Variants in ARHGAP20 observed in about 807,000 individuals in gnomAD.
ARHGAP20 encodes rho GTPase-activating protein 20.
ARHGAP20 carries 34 observed loss-of-function variants against 73.7 expected under a neutral mutation model. The ratio of observed to expected loss-of-function variants is 0.46; its 90% CI spans 0.35 to 0.61. The LOEUF (loss-of-function observed/expected upper bound fraction) is 0.61, where lower values mean the gene tolerates loss of function less well. Ranked by LOEUF, ARHGAP20 falls within the 20% of genes least tolerant of loss-of-function variation. ARHGAP20 has a pLI of 0.00. For missense variants in ARHGAP20, 1,314 were observed against 1,420.9 expected, an observed-to-expected ratio of 0.92 and a Z score of 1.21; for synonymous variants, 523 against 518.2, an observed-to-expected ratio of 1.01 and a Z score of -0.13.
At chr11:110,597,293 T>C (rs964069747) in intron 9 of ARHGAP20, among the ~76,000 whole-genome samples, 10 of 123,080 alleles carry the variant, frequency 8.1e-5, no homozygotes, top group Non-Finnish European at 1.2e-4. Context: ...AATAATAAAA[T>C]TAAAAAAAAA....
intron 2 of ARHGAP20, among the ~76,000 whole-genome samples, chr11:110,656,963 C>G (rs1045295445): frequency 6.6e-6 from 1 of 152,140 alleles, no homozygotes; most frequent in Non-Finnish European, 1.5e-5. Flanking sequence ...CCATGCTCTT[C>G]CAAAGGTAAA....
chr11:110,690,441 A>G (rs1950219043), intron 2 of ARHGAP20, 106 bp downstream of exon 2: 2 of 1,131,858 alleles, frequency 1.8e-6, no homozygotes, highest in African/African-American at 3.1e-5. Context: ...TGGTGCTGAT[A>G]ACAAACAACC....
At chr11:110,679,855 G>T (rs1950004254) in intron 2 of ARHGAP20, among the ~76,000 whole-genome samples, 1 of 152,142 alleles carries the variant, frequency 6.6e-6, no homozygotes, top group Non-Finnish European at 1.5e-5. Context: ...AGATGACATG[G>T]TGTACATGTA....
rs76450080 is a variant in ARHGAP20 at position 110,591,791 on chromosome 11, T to C, written c.1143+186A>G. ...CTCTTTCCTAGGTTATTTCTTCCCA[T>C]TATGTCTTCCTTCTGATTTCACAGT... is the stretch of plus-strand genomic sequence containing the variant. On this transcript the variant is annotated intron_variant, in intron 10 of 14. Coordinates refer to ENST00000683387, the MANE Select transcript of ARHGAP20 (RefSeq NM_001384657.1). 0.034 allele frequency among the ~76,000 whole-genome samples: 5,176 copies of C among 152,318 alleles called. 317 individuals are homozygous for C. The highest frequency in any genetic ancestry group is 0.12 in the African/African-American group (4,850 of 41,558).
rs35306856 is a variant in ARHGAP20, at chr11:110,577,471, GAAA to G, written c.*1896_*1898del. 4.7e-4 allele frequency: 417 copies of G among 896,318 alleles called. No individual in the cohort carries two copies. The highest frequency in any genetic ancestry group is 2.8e-3 in the East Asian group (27 of 9,496). The allele number at this position is 896,318 out of a possible 1,614,324, so 55.5% of individuals were successfully genotyped here. The stretch of plus-strand genomic sequence containing the variant: ...TGAATGATTTTTTACCTGCTAACAT[GAAA>G]AAAAAAAAAAAGGCAATTTCTTCCA... On this transcript the variant is annotated 3_prime_UTR_variant, in exon 15 of 15. Transcript: ENST00000683387.
rs200336756 is a variant in ARHGAP20, at chr11:110,644,448, T to C, written c.189-13656A>G. Among the ~76,000 whole-genome samples the C allele has an allele frequency of 5.3e-5, 8 of 152,122 alleles. No individual in the cohort carries two copies. In the East Asian group the frequency reaches 9.7e-4, roughly 18 times the overall value. On this transcript the variant is annotated intron_variant, in intron 2 of 14. Transcript: ENST00000683387. ...AACCAAAACAGCATGGTACTGGTAC[T>C]AAAACAGACACAGAGACCAATGGAA...
Position 110,577,999 on chromosome 11 carries a change from C to G in ARHGAP20, c.*1371G>C. 1 of 985,336 alleles carries G rather than the reference C, an allele frequency of 1.0e-6. No homozygotes were observed. The highest frequency in any genetic ancestry group is 1.2e-6 in the Non-Finnish European group (1 of 829,898). 61.0% of individuals were successfully genotyped at this position (985,336 alleles called of 1,614,324 possible). ...GAACTAAAGAGTTTAAATAAATGGG[C>G]TCAGAGCAACTTCTTATAGGTTAGT... is the stretch of plus-strand genomic sequence containing the variant. On this transcript the variant is annotated 3_prime_UTR_variant, in exon 15 of 15. Transcript: ENST00000683387.
At chr11:110,639,239 C>T (rs1949030541) in intron 2 of ARHGAP20, among the ~76,000 whole-genome samples, 1 of 67,180 alleles carries the variant, frequency 1.5e-5, no homozygotes, top group South Asian at 3.8e-4. Context: ...TTATTCGATA[C>T]CCCCCCCCCA....
intron 14 of ARHGAP20, among the ~76,000 whole-genome samples, chr11:110,581,956 G>A (rs1441364088): frequency 6.7e-6 from 1 of 148,866 alleles, no homozygotes; most frequent in Non-Finnish European, 1.5e-5. Flanking sequence ...AAACATTCAT[G>A]CCTCTACTAC....
At chr11:110,636,582 G>C (rs1412729221) in intron 2 of ARHGAP20, among the ~76,000 whole-genome samples, 1 of 152,008 alleles carries the variant, frequency 6.6e-6, no homozygotes, top group East Asian at 1.9e-4. Context: ...TTCTTTTTCT[G>C]TGTGCATCTA....
intron 4 of ARHGAP20, among the ~76,000 whole-genome samples, chr11:110,621,229 G>A (rs1565443171): frequency 6.6e-6 from 1 of 151,850 alleles, no homozygotes; most frequent in East Asian, 1.9e-4. Flanking sequence ...TTGATTTATG[G>A]TTGTTTATAA....
intron 1 of ARHGAP20, among the ~76,000 whole-genome samples, chr11:110,705,853 C>T (rs1460480630): frequency 1.3e-5 from 2 of 152,124 alleles, no homozygotes; most frequent in Non-Finnish European, 2.9e-5. Context: ...GAGAATACGC[C>T]AAGCTTTCCA....
At chr11:110,631,054 T>C (rs1445138403) in intron 2 of ARHGAP20, among the ~76,000 whole-genome samples, 2 of 152,188 alleles carry the variant, frequency 1.3e-5, no homozygotes, top group Non-Finnish European at 2.9e-5. Context: ...CTTTACCAAA[T>C]ACCTATCCAA....
rs542122563 is a variant in ARHGAP20 at position 110,624,332 on chromosome 11, C to G, written c.354-21G>C. 10 of 1,508,118 alleles carry G rather than the reference C, an allele frequency of 6.6e-6. No homozygotes were observed. The African/African-American group carries it at 1.3e-4, about 19-fold the overall frequency. 93.4% of individuals were successfully genotyped at this position (1,508,118 alleles called of 1,614,324 possible). A position where few individuals can be genotyped will look rare whatever the true frequency, so the allele number is the denominator to read the frequency against. Reference sequence around the variant, plus strand: ...TATATCTAGAAAGATAAAAACCAAACAGAACCTTTTGTTATTTTGTTTCTT... The same window carrying G: ...TATATCTAGAAAGATAAAAACCAAAGAGAACCTTTTGTTATTTTGTTTCTT... On this transcript the variant is annotated intron_variant, in intron 3 of 14. Transcript: ENST00000683387.
chr11:110,619,573 G>A (rs980099871), intron 4 of ARHGAP20, among the ~76,000 whole-genome samples: 1 of 151,512 alleles, frequency 6.6e-6, no homozygotes, highest in Non-Finnish European at 1.5e-5. Context: ...AGTATATGTA[G>A]TGATAGCGTA....
rs1947320244 is a variant in ARHGAP20 at position 110,577,551 on chromosome 11, T to TGACA, written c.*1815_*1818dup. 4.0e-6 allele frequency: 4 copies of TGACA among 991,402 alleles called. No individual in the cohort carries two copies. The highest frequency in any genetic ancestry group is 4.8e-6 in the Non-Finnish European group (4 of 833,908). 61.4% of individuals were successfully genotyped at this position (991,402 alleles called of 1,614,324 possible). On this transcript the variant is annotated 3_prime_UTR_variant, in exon 15 of 15. Transcript: ENST00000683387. ...TTCATTCACATCTTGCAGTTCTGAC[T>TGACA]GACAGTAGTATGCCCTAAGGGAAAG...
intron 1 of ARHGAP20, among the ~76,000 whole-genome samples, chr11:110,702,234 C>T (rs959153275): frequency 3.2e-4 from 48 of 152,094 alleles, no homozygotes; most frequent in African/African-American, 7.7e-4. Context: ...GTTCAATATA[C>T]GCAAATCAAT....
chr11:110,587,411 CAAAT>C (rs755716828), intron 11 of ARHGAP20, among the ~76,000 whole-genome samples: 5 of 152,284 alleles, frequency 3.3e-5, no homozygotes, highest in Non-Finnish European at 7.4e-5. Flanking sequence ...CTTGCTAAAC[CAAAT>C]AAATAATTTT....
In ARHGAP20 at chr11:110,664,727, CAAA is replaced by C. The variant is rs34643863; in HGVS notation, c.188+25817_188+25819del. On this transcript the variant is annotated intron_variant, in intron 2 of 14. Coordinates refer to ENST00000683387, the MANE Select transcript of ARHGAP20 (RefSeq NM_001384657.1). ...TGGGCGACAGAGTGAGACTCCGTCT[CAAA>C]AAAAAAAAAAAAAAAGAAAAAAGAA... Among the ~76,000 whole-genome samples, 307 of 88,292 alleles carry C rather than the reference CAAA, an allele frequency of 3.5e-3. 1 individual carries two copies. The highest frequency in any genetic ancestry group is 0.011 in the Middle Eastern group (2 of 180). The allele number at this position is 88,292 out of a possible 152,430, so 57.9% of individuals were successfully genotyped here.
Sources: allele counts gnomAD v4.1 joint callset (sites outside exome capture counted in the v4.1 genomes callset), GRCh38; gene constraint gnomAD v4.1.1; transcripts MANE v1.5; gene names NCBI Gene and HGNC (gene_info 2026-07-23, HGNC 2026-07-21).